Variants in MAGEC3 observed in about 807,000 individuals in gnomAD.
MAGEC3 encodes MAGE family member C3.
In MAGEC3, 34 loss-of-function variants were observed where a neutral mutation model predicts 35.3. The observed-to-expected ratio is 0.96, with a 90% CI of 0.73 to 1.28. The LOEUF (loss-of-function observed/expected upper bound fraction) is 1.28, where lower values mean the gene tolerates loss of function less well. MAGEC3 is among the 50% of genes most tolerant of loss of function. The pLI is 0.00. For missense variants in MAGEC3, 561 were observed against 483.6 expected (o/e 1.16, Z -1.50); for synonymous variants, 202 against 185.6 (o/e 1.09, Z -0.72).
intron 2 of MAGEC3, among the ~76,000 whole-genome samples, chrX:141,865,895 C>T (rs893759809): frequency 2.7e-5 from 3 of 111,658 alleles, no homozygotes; most frequent in Non-Finnish European, 3.8e-5. Flanking sequence ...CCTTCCTCTT[C>T]GTGTGAATCC....
chrX:141,860,430 A>G (rs1438387589), intron 1 of MAGEC3, among the ~76,000 whole-genome samples: 1 of 112,579 alleles, frequency 8.9e-6, no homozygotes, highest in Non-Finnish European at 1.9e-5. Context: ...CATGTGATCC[A>G]GTAATTCTAC....
chrX:141,879,784 T>A (rs960505023), intron 3 of MAGEC3, among the ~76,000 whole-genome samples: 1 of 110,620 alleles, frequency 9.0e-6, no homozygotes. Flanking sequence ...CTGAGGGACC[T>A]CCCACCACAG....
intron 1 of MAGEC3, among the ~76,000 whole-genome samples, chrX:141,852,378 C>T (rs1196967328): frequency 3.6e-5 from 4 of 110,153 alleles, no homozygotes; most frequent in South Asian, 3.8e-4. Context: ...TATCAAATCA[C>T]GCAGTCTGCA....
intron 1 of MAGEC3, among the ~76,000 whole-genome samples, chrX:141,863,391 G>A (rs1036241831): frequency 3.6e-5 from 4 of 111,428 alleles, no homozygotes; most frequent in Admixed American, 9.6e-5. Flanking sequence ...GATACTGTAA[G>A]AGTGGATACA....
intron 4 of MAGEC3, among the ~76,000 whole-genome samples, chrX:141,890,138 C>G (rs1286248313): frequency 9.0e-6 from 1 of 111,443 alleles, no homozygotes; most frequent in Non-Finnish European, 1.9e-5. Flanking sequence ...ATAAACTCCC[C>G]TTAATATGTA....
At chrX:141,886,572 A>T (rs1167022282) in intron 4 of MAGEC3, among the ~76,000 whole-genome samples, 1 of 111,313 alleles carries the variant, frequency 9.0e-6, no homozygotes, top group African/African-American at 3.3e-5. Flanking sequence ...TTGGTCCTCC[A>T]GTTAAAGTAG....
At chrX:141,863,462 T>C (rs896130849) in intron 1 of MAGEC3, among the ~76,000 whole-genome samples, 4 of 111,705 alleles carry the variant, frequency 3.6e-5, no homozygotes, top group African/African-American at 1.3e-4. Context: ...CCTAGCTAAA[T>C]TGTAAATTTT....
chrX:141,880,963 C>T (rs2017959000), intron 3 of MAGEC3: 1 of 590,944 alleles, frequency 1.7e-6, no homozygotes, highest in African/African-American at 2.2e-5. Context: ...ACCTCCTGCT[C>T]CTAAGGAAGA....
intron 2 of MAGEC3, among the ~76,000 whole-genome samples, chrX:141,871,174 A>G (rs1043021841): frequency 2.1e-4 from 24 of 111,815 alleles, no homozygotes; most frequent in African/African-American, 7.8e-4. Context: ...TCTAGTAGTT[A>G]TAAGATTTTT....
At chrX:141,840,780 CA>C (rs371807098) in intron 1 of MAGEC3, among the ~76,000 whole-genome samples, 39 of 98,512 alleles carry the variant, frequency 4.0e-4, no homozygotes, top group East Asian at 9.5e-4. Flanking sequence ...TTTTTCACAT[CA>C]AAAAAAAAAA....
chrX:141,893,436 A>G (rs1427449222), intron 4 of MAGEC3, among the ~76,000 whole-genome samples: 3 of 110,665 alleles, frequency 2.7e-5, no homozygotes, highest in Non-Finnish European at 5.7e-5. Context: ...GGAGCACACA[A>G]GAGATTTAAA....
In MAGEC3 at chrX:141,879,543, T is replaced by G. The variant is rs1288521356; in HGVS notation, c.515+112T>G. 2.2e-5 allele frequency: 19 copies of G among 871,800 alleles called. No homozygotes were observed. The African/African-American group carries it at 2.7e-4, about 12-fold the overall frequency. The allele number at this position is 871,800 out of a possible 1,213,427, so 71.8% of individuals were successfully genotyped here. A position where few individuals can be genotyped will look rare whatever the true frequency, so the allele number is the denominator to read the frequency against. On this transcript the variant is annotated intron_variant, in intron 3 of 7. Coordinates refer to ENST00000298296, the MANE Select transcript of MAGEC3 (RefSeq NM_138702.1). ...GGTCGGGGAGGTAGGCAGGAAGGGG[T>G]GGAGGGGGCCCAGGAGATGGGCAGG...
chrX:141,895,957 G>T (rs755352204), intron 6 of MAGEC3, among the ~76,000 whole-genome samples: 3 of 111,607 alleles, frequency 2.7e-5, no homozygotes, highest in African/African-American at 9.8e-5. Context: ...GCTACCTCCC[G>T]CTGCTCTCAG....
Position 141,881,600 on chromosome X carries a change from G to A in MAGEC3, c.713G>A (p.Gly238Asp). 8.3e-7 allele frequency: 1 copy of A among 1,210,721 alleles called. No homozygotes were observed. Among genetic ancestry groups the A allele is most frequent in the Non-Finnish European group, 1.1e-6 (1 of 895,082 alleles). Residue 238 changes from glycine to aspartate, a missense_variant, in exon 4 of 8, where the codon GGC (glycine) becomes GAC (aspartate). Coordinates refer to ENST00000298296, the MANE Select transcript of MAGEC3 (RefSeq NM_138702.1). Reference sequence around the variant, plus strand: ...CGTGAGTTCATAGAGATTCTTTTTGGCATTTCCCTGACAGAAGTGGACCCC... The same window carrying A: ...CGTGAGTTCATAGAGATTCTTTTTGACATTTCCCTGACAGAAGTGGACCCC... ...KAREFIEILFGISLTEVDPDH... is the reference protein window; with the variant it reads ...KAREFIEILFDISLTEVDPDH...
chrX:141,886,247 T>G (rs2124121206), intron 4 of MAGEC3, among the ~76,000 whole-genome samples: 1 of 110,318 alleles, frequency 9.1e-6, no homozygotes, highest in East Asian at 2.8e-4. Context: ...AGCAGAAAAC[T>G]TCCATGTTAA....
intron 1 of MAGEC3, among the ~76,000 whole-genome samples, chrX:141,846,525 C>A (rs1569471612): frequency 1.8e-5 from 2 of 110,634 alleles, no homozygotes; most frequent in Non-Finnish European, 3.8e-5. Flanking sequence ...AAGACGCTAC[C>A]TATGTTTTCA....
At chrX:141,877,742 A>G (rs995058850) in intron 2 of MAGEC3, among the ~76,000 whole-genome samples, 1 of 111,953 alleles carries the variant, frequency 8.9e-6, no homozygotes, top group African/African-American at 3.2e-5. Context: ...TTTTTCATGC[A>G]TATCCTTTTA....
intron 1 of MAGEC3, among the ~76,000 whole-genome samples, chrX:141,846,588 G>T (rs1254849451): frequency 9.0e-6 from 1 of 110,553 alleles, no homozygotes; most frequent in Non-Finnish European, 1.9e-5. Flanking sequence ...TATTTATTGT[G>T]CCTTCTCTTT....
chrX:141,876,925 C>T (rs2017923707), intron 2 of MAGEC3, among the ~76,000 whole-genome samples: 1 of 112,307 alleles, frequency 8.9e-6, no homozygotes, highest in South Asian at 3.6e-4. Context: ...GCACCCAAAT[C>T]TCAAACTCTT....
Sources: gnomAD v4.1 joint callset for allele counts (sites outside exome capture counted in the v4.1 genomes callset) on GRCh38, gnomAD v4.1.1 for gene constraint, MANE v1.5 for transcripts, NCBI Gene and HGNC (gene_info 2026-07-23, HGNC 2026-07-21) for gene names.